Variants in GLCCI1 observed in about 807,000 individuals in gnomAD.
The protein encoded by GLCCI1 is glucocorticoid-induced transcript 1 protein.
Under a neutral mutation model 52.2 loss-of-function variants are expected in GLCCI1, and 24 were observed. The observed-to-expected ratio is 0.46, with a 90% CI of 0.33 to 0.65. The LOEUF (loss-of-function observed/expected upper bound fraction) is 0.65, where lower values mean the gene tolerates loss of function less well. Among genes scored for constraint, GLCCI1 ranks in the 30% least tolerant of loss-of-function variants. GLCCI1 has a pLI of 0.02. For synonymous variants in GLCCI1, 310 were observed against 276.5 expected (o/e 1.12, Z -1.20); for missense variants, 704 against 701.5 (o/e 1.00, Z -0.04).
chr7:7,993,874 C>G (rs1780891757), intron 1 of GLCCI1, among the ~76,000 whole-genome samples: 1 of 151,824 alleles, frequency 6.6e-6, no homozygotes, highest in Non-Finnish European at 1.5e-5. Context: ...GTGAGTCAAA[C>G]TATCATAAGT....
chr7:8,045,864 G>A (rs142984349), intron 3 of GLCCI1, among the ~76,000 whole-genome samples: 63 of 151,606 alleles, frequency 4.2e-4, no homozygotes, highest in African/African-American at 1.5e-3. Flanking sequence ...AGATGAACCT[G>A]CAAACAAATA....
Sources: gnomAD v4.1 joint callset for allele counts (sites outside exome capture counted in the v4.1 genomes callset) on GRCh38, gnomAD v4.1.1 for gene constraint, MANE v1.5 for transcripts, NCBI Gene and HGNC (gene_info 2026-07-23, HGNC 2026-07-21) for gene names.